Variants in PDCD11 observed in about 807,000 individuals in gnomAD.
PDCD11 encodes the protein programmed cell death 11, also known as protein RRP5 homolog.
A neutral mutation model predicts 198.9 loss-of-function variants in PDCD11; 97 were observed. That is an observed-to-expected ratio of 0.49 (90% CI 0.41 to 0.58). The LOEUF (loss-of-function observed/expected upper bound fraction) is 0.58, where lower values mean the gene tolerates loss of function less well. PDCD11 is among the 20% of genes least tolerant of loss of function. The pLI is 0.00. For missense variants in PDCD11, 2,102 were observed against 2,312.7 expected, an observed-to-expected ratio of 0.91 and a Z score of 1.87; for synonymous variants, 893 against 918.0, an observed-to-expected ratio of 0.97 and a Z score of 0.49.
At chr10:103,405,891 T>G in intron 5 of PDCD11, 94 bp from the exon 6 acceptor site, 57 of 1,366,238 alleles carry the variant, frequency 4.2e-5, no homozygotes, top group Non-Finnish European at 5.3e-5. Flanking sequence ...TGGCAGAGTG[T>G]GAGCTTAGTG....
chr10:103,413,349 G>A, intron 9 of PDCD11, 27 bp downstream of exon 9: 1 of 1,577,078 alleles, frequency 6.3e-7, no homozygotes, highest in East Asian at 2.2e-5. Flanking sequence ...GTTTGGTCAG[G>A]GATCTTATCA....
chr10:103,413,980 T>G lies in PDCD11; in HGVS notation c.1200T>G (p.Ser400=). The change falls in exon 10 of 36, where the codon TCT becomes TCG. Residue 400 remains serine, a synonymous_variant. Coordinates refer to ENST00000369797, the MANE Select transcript of PDCD11 (RefSeq NM_014976.2). The part of the protein sequence containing the change: ...VLAYARLSHL[S]DSKNVFNPEA... Reference sequence around the variant, plus strand: ...GTACTTTGCAGCTCAGCCATCTCTCTGATTCTAAGAACGTCTTCAATCCTG... The same window carrying G: ...GTACTTTGCAGCTCAGCCATCTCTCGGATTCTAAGAACGTCTTCAATCCTG... 5.0e-6 allele frequency: 8 copies of G among 1,612,412 alleles called. No homozygotes were observed. Among genetic ancestry groups the G allele is most frequent in the Non-Finnish European group, 6.8e-6 (8 of 1,179,256 alleles).
chr10:103,443,447 G>A, intron 33 of PDCD11, 114 bp downstream of exon 33: 1 of 867,820 alleles, frequency 1.2e-6, no homozygotes, highest in African/African-American at 1.7e-5. Flanking sequence ...CAACATCGGG[G>A]CCCCAACTTC....
At position 103,421,389 on chromosome 10, in the gene PDCD11, T is replaced by C. The variant is rs778547237; in HGVS notation, c.2319T>C (p.Phe773=). Residue 773 remains phenylalanine (F), a synonymous_variant, in exon 17 of 36, where the codon TTT becomes TTC. Coordinates refer to ENST00000369797, the MANE Select transcript of PDCD11 (RefSeq NM_014976.2). ...DKFVTSTSDH[F]VEGQTVAAKV... is the part of the protein sequence containing the mutation. ...TTGTGACCTCCACAAGTGACCACTT[T>C]GTTGAGGGCCAGACAGTAGCGGCAA... 3.1e-6 allele frequency: 5 copies of C among 1,610,238 alleles called. No homozygotes were observed. Among genetic ancestry groups the C allele is most frequent in the Admixed American group, 3.4e-5 (2 of 59,410 alleles).
At chr10:103,400,004 G>A (rs1055963316) in intron 2 of PDCD11, among the ~76,000 whole-genome samples, 1 of 152,126 alleles carries the variant, frequency 6.6e-6, no homozygotes, top group African/African-American at 2.4e-5. Context: ...ATATAATTTA[G>A]CTGAAACCAC....
In PDCD11 at chr10:103,443,901, G is replaced by A. The variant is rs1390611297; in HGVS notation, c.5125-14G>A. On this transcript the variant is annotated splice_polypyrimidine_tract_variant and intron_variant, in intron 33 of 35. Transcript: ENST00000369797. Reference sequence around the variant, plus strand: ...TATCACACTCTCCTCAGCGTGCCTCGTCTTTTCCCACAGGAAGCTGGTGAA... The same window carrying A: ...TATCACACTCTCCTCAGCGTGCCTCATCTTTTCCCACAGGAAGCTGGTGAA... 1.9e-5 allele frequency: 30 copies of A among 1,613,522 alleles called. No homozygotes were observed. The East Asian group carries it at 2.5e-4, about 13-fold the overall frequency.
At position 103,427,370 on chromosome 10, in the gene PDCD11, C is replaced by T. The variant is rs766219191; in HGVS notation, c.3347C>T (p.Pro1116Leu). Reference protein sequence around the residue: ...ISHPRFVRTIPELSVRPSELE... With the variant: ...ISHPRFVRTILELSVRPSELE... ...CACCCCAGATTCGTTCGAACCATCCCGGAGCTGAGTGTTCGGCCAAGGTGA... is the reference window on the plus strand; with the variant it reads ...CACCCCAGATTCGTTCGAACCATCCTGGAGCTGAGTGTTCGGCCAAGGTGA... The change falls in exon 21 of 36, where the codon CCG becomes CTG. Residue 1116 changes from proline (P) to leucine (L), a missense_variant. Coordinates refer to ENST00000369797, the MANE Select transcript of PDCD11 (RefSeq NM_014976.2). 1.7e-5 allele frequency: 28 copies of T among 1,612,352 alleles called. No individual in the cohort carries two copies. The highest frequency in any genetic ancestry group is 2.7e-5 in the African/African-American group (2 of 74,874).
chr10:103,417,581 A>C (rs1366055788), intron 13 of PDCD11, among the ~76,000 whole-genome samples: 1 of 152,250 alleles, frequency 6.6e-6, no homozygotes, highest in Non-Finnish European at 1.5e-5. Flanking sequence ...TGGATTGTAC[A>C]AAAAAAGTTA....
chr10:103,436,131 T>C (rs913483384), intron 25 of PDCD11, among the ~76,000 whole-genome samples: 2 of 151,546 alleles, frequency 1.3e-5, no homozygotes, highest in Non-Finnish European at 1.5e-5. Context: ...GACAGAGTCT[T>C]GCTCTGTCAC....
chr10:103,418,013 C>T, intron 14 of PDCD11, 81 bp downstream of exon 14: 1 of 1,492,344 alleles, frequency 6.7e-7, no homozygotes, highest in Non-Finnish European at 9.3e-7. Flanking sequence ...CATATTGGAA[C>T]CCACGAAGCG....
intron 14 of PDCD11, 148 bp from the exon 15 acceptor site, chr10:103,418,292 G>A (rs2031230300): frequency 9.2e-6 from 6 of 655,692 alleles, no homozygotes; most frequent in Non-Finnish European, 2.7e-6. Flanking sequence ...ATGCTGGGTG[G>A]TTGGGGTGGT....
intron 16 of PDCD11, among the ~76,000 whole-genome samples, chr10:103,420,082 G>C (rs2031341850): frequency 6.6e-6 from 1 of 151,218 alleles, no homozygotes; most frequent in Non-Finnish European, 1.5e-5. Flanking sequence ...ACAGGTGTGA[G>C]CCACCGCACC....
At chr10:103,421,643 AGTT>A in intron 17 of PDCD11, 76 bp downstream of exon 17, 2 of 1,221,128 alleles carry the variant, frequency 1.6e-6, no homozygotes, top group East Asian at 2.6e-5. Context: ...TTGTTAGGTG[AGTT>A]GTTGGGCTTC....
chr10:103,406,192 A>G lies in PDCD11; in HGVS notation c.688+84A>G, dbSNP rs1232280052. 5 of 1,488,614 alleles carry G rather than the reference A, an allele frequency of 3.4e-6. No homozygotes were observed. The African/African-American group carries it at 5.5e-5, about 16-fold the overall frequency. The allele number at this position is 1,488,614 out of a possible 1,614,324, so 92.2% of individuals were successfully genotyped here. Reference sequence around the variant, plus strand: ...TTTAAGTGCCATTTTGATGAGTAACATGACAGAATGGTGACCCTGAAGGTG... The same window carrying G: ...TTTAAGTGCCATTTTGATGAGTAACGTGACAGAATGGTGACCCTGAAGGTG... On this transcript the variant is annotated intron_variant, in intron 6 of 35. Transcript: ENST00000369797.
intron 7 of PDCD11, among the ~76,000 whole-genome samples, chr10:103,408,083 G>A (rs1366298808): frequency 6.6e-6 from 1 of 152,060 alleles, no homozygotes; most frequent in African/African-American, 2.4e-5. Flanking sequence ...TGTCATTTGC[G>A]AAATTCTCTT....
chr10:103,416,800 T>C (rs937228024), intron 13 of PDCD11, 58 bp downstream of exon 13: 9 of 1,581,338 alleles, frequency 5.7e-6, no homozygotes, highest in South Asian at 3.4e-5. Flanking sequence ...AACACAAATA[T>C]GAAGGAGCAG....
At chr10:103,443,806 T>G in intron 33 of PDCD11, 109 bp from the exon 34 acceptor site, 7 of 1,092,212 alleles carry the variant, frequency 6.4e-6, no homozygotes, top group Non-Finnish European at 8.2e-6. Context: ...CTGAGAGTGA[T>G]TTGGTGTCTG....
At chr10:103,427,833 T>G (rs1219945414) in intron 21 of PDCD11, among the ~76,000 whole-genome samples, 1 of 152,114 alleles carries the variant, frequency 6.6e-6, no homozygotes, top group Non-Finnish European at 1.5e-5. Context: ...CATGAGATAC[T>G]CTGTGGGGAG....
At position 103,432,046 on chromosome 10, in the gene PDCD11, G is replaced by T. The variant is rs571225632; in HGVS notation, c.3369-83G>T. The T allele has an allele frequency of 4.9e-6, 5 of 1,022,596 alleles. No individual in the cohort carries two copies. The African/African-American group carries it at 7.9e-5, about 16-fold the overall frequency. The allele number at this position is 1,022,596 out of a possible 1,614,324, so 63.3% of individuals were successfully genotyped here. A position where few individuals can be genotyped will look rare whatever the true frequency, so the allele number is the denominator to read the frequency against. Reference sequence around the variant, plus strand: ...TAGGGGAGTCCCGTACAGTCAATCCGTGGCCACTTGGGAGAGATGGTTTCA... The same window carrying T: ...TAGGGGAGTCCCGTACAGTCAATCCTTGGCCACTTGGGAGAGATGGTTTCA... On this transcript the variant is annotated intron_variant, in intron 21 of 35. Transcript: ENST00000369797.
Sources: allele counts gnomAD v4.1 joint callset (sites outside exome capture counted in the v4.1 genomes callset), GRCh38; gene constraint gnomAD v4.1.1; transcripts MANE v1.5; gene names NCBI Gene and HGNC (gene_info 2026-07-23, HGNC 2026-07-21).